The following NAALADL2 variants were observed in gnomAD, a reference collection of about 807,000 sequenced individuals.
NAALADL2 encodes the protein N-acetylated alpha-linked acidic dipeptidase like 2.
Under a neutral mutation model 87.2 loss-of-function variants are expected in NAALADL2, and 76 were observed. The observed-to-expected ratio is 0.87, with a 90% CI of 0.72 to 1.05. The LOEUF (loss-of-function observed/expected upper bound fraction) is 1.05. Among genes scored for constraint, NAALADL2 ranks in the 50% least tolerant of loss-of-function variants. The pLI is 0.00. For synonymous variants in NAALADL2, 354 were observed against 331.0 expected (o/e 1.07, Z -0.75); for missense variants, 1,089 against 945.8 (o/e 1.15, Z -1.99).
At chr3:174,640,111 G>T (rs1723021895) in intron 2 of NAALADL2, among the ~76,000 whole-genome samples, 1 of 152,156 alleles carries the variant, frequency 6.6e-6, no homozygotes, top group Non-Finnish European at 1.5e-5. Flanking sequence ...GGTATATAAT[G>T]ATTTAGCCTA....
chr3:174,838,894 A>C (rs1723683661), intron 3 of NAALADL2, among the ~76,000 whole-genome samples: 1 of 152,188 alleles, frequency 6.6e-6, no homozygotes, highest in Non-Finnish European at 1.5e-5. Context: ...GATGGGTAGA[A>C]TCATTATTGT....
chr3:175,428,638 G>A (rs1717226275), intron 5 of NAALADL2, among the ~76,000 whole-genome samples: 1 of 151,950 alleles, frequency 6.6e-6, no homozygotes, highest in Non-Finnish European at 1.5e-5. Flanking sequence ...TGGCTCCTAA[G>A]TCTCAATTCT....
At chr3:175,674,886 A>C (rs1471755884) in intron 11 of NAALADL2, among the ~76,000 whole-genome samples, 2 of 152,150 alleles carry the variant, frequency 1.3e-5, no homozygotes, top group Admixed American at 6.5e-5. Flanking sequence ...GTACGAAAAA[A>C]CCCAAAGATT....
intron 2 of NAALADL2, among the ~76,000 whole-genome samples, chr3:175,174,920 C>T (rs911023169): frequency 6.6e-6 from 1 of 151,748 alleles, no homozygotes; most frequent in Non-Finnish European, 1.5e-5. Flanking sequence ...TAACTTTTGA[C>T]CATTAATCTT....
At chr3:174,573,072 C>T (rs1463461507) in intron 2 of NAALADL2, among the ~76,000 whole-genome samples, 3 of 152,136 alleles carry the variant, frequency 2.0e-5, no homozygotes, top group Admixed American at 6.5e-5. Context: ...CAGATTACCA[C>T]CGCATCACTA....
intron 1 of NAALADL2, among the ~76,000 whole-genome samples, chr3:174,495,726 A>G (rs1487504818): frequency 2.5e-5 from 2 of 79,374 alleles, no homozygotes; most frequent in East Asian, 6.1e-4. Flanking sequence ...TAAAATTTTT[A>G]GTACTTAATA....
chr3:175,051,072 A>G (rs1204169031), intron 1 of NAALADL2, among the ~76,000 whole-genome samples: 1 of 152,160 alleles, frequency 6.6e-6, no homozygotes, highest in Non-Finnish European at 1.5e-5. Context: ...CAGGGATGTA[A>G]ACTCCTCTTT....
intron 2 of NAALADL2, among the ~76,000 whole-genome samples, chr3:174,697,593 T>C (rs1390348606): frequency 1.3e-5 from 2 of 152,014 alleles, no homozygotes; most frequent in Admixed American, 1.3e-4. Flanking sequence ...AGAAGGGAAA[T>C]TGTAATATTA....
chr3:175,789,748 A>G (rs1286885852), intron 13 of NAALADL2, among the ~76,000 whole-genome samples: 1 of 152,152 alleles, frequency 6.6e-6, no homozygotes, highest in Non-Finnish European at 1.5e-5. Context: ...GTTTCAAGAA[A>G]AAAGGTGGAT....
intron 1 of NAALADL2, among the ~76,000 whole-genome samples, chr3:174,530,161 A>G (rs1721111338): frequency 6.6e-6 from 1 of 152,128 alleles, no homozygotes; most frequent in African/African-American, 2.4e-5. Context: ...CTGCCTAGAA[A>G]TTTCTTCTAC....
At chr3:175,710,403 A>T (rs1740364301) in intron 11 of NAALADL2, among the ~76,000 whole-genome samples, 1 of 152,026 alleles carries the variant, frequency 6.6e-6, no homozygotes, top group Admixed American at 6.6e-5. Context: ...ATTGAACGCA[A>T]AAAAGGCCAG....
At chr3:174,564,561 T>C (rs1242904995) in intron 2 of NAALADL2, among the ~76,000 whole-genome samples, 4 of 152,200 alleles carry the variant, frequency 2.6e-5, no homozygotes, top group Non-Finnish European at 4.4e-5. Flanking sequence ...ACTGTTAATT[T>C]TGTCTAAGTA....
At chr3:175,412,526 G>T (rs888901108) in intron 5 of NAALADL2, among the ~76,000 whole-genome samples, 1 of 152,144 alleles carries the variant, frequency 6.6e-6, no homozygotes, top group Admixed American at 6.5e-5. Context: ...TTATCTCCTA[G>T]ATATTAGTTT....
At chr3:174,662,776 A>G (rs1010725475) in intron 2 of NAALADL2, among the ~76,000 whole-genome samples, 2 of 152,166 alleles carry the variant, frequency 1.3e-5, no homozygotes, top group African/African-American at 4.8e-5. Context: ...TTTACGGCCA[A>G]TGCATATGGC....
At chr3:175,295,626 A>G (rs1756220395) in intron 4 of NAALADL2, among the ~76,000 whole-genome samples, 2 of 151,750 alleles carry the variant, frequency 1.3e-5, no homozygotes, top group African/African-American at 4.8e-5. Context: ...TCATTCACAC[A>G]TGTCTTCTGT....
At chr3:175,202,957 C>T (rs192407562) in intron 2 of NAALADL2, among the ~76,000 whole-genome samples, 118 of 152,174 alleles carry the variant, frequency 7.8e-4, no homozygotes, top group Middle Eastern at 6.8e-3. Flanking sequence ...ACCGGTCTTG[C>T]ACCCACCTTC....
chr3:175,091,095 C>T (rs1720035372), intron 1 of NAALADL2, among the ~76,000 whole-genome samples: 2 of 152,114 alleles, frequency 1.3e-5, no homozygotes, highest in South Asian at 4.1e-4. Flanking sequence ...CTTTCAACAA[C>T]AAAAATTTAT....
intron 1 of NAALADL2, among the ~76,000 whole-genome samples, chr3:174,443,774 C>CAAAACAATGG: frequency 6.9e-6 from 1 of 144,736 alleles, no homozygotes. Flanking sequence ...GAGCTGCATT[C>CAAAACAATGG]CATGTAAAAG....
chr3:174,926,605 A>G lies in NAALADL2; in HGVS notation c.43+67155A>G, dbSNP rs1736077461. Among the ~76,000 whole-genome samples, 3 of 152,236 alleles carry G rather than the reference A, an allele frequency of 2.0e-5. No homozygotes were observed. The South Asian group carries it at 6.2e-4, about 32-fold the overall frequency. ...CCAGAATTTCATATCCAGCCAAACT[A>G]AGCTTCATAAGTGAAGGAGAAATAA... On this transcript the variant is annotated intron_variant, in intron 1 of 13. Coordinates refer to ENST00000454872, the MANE Select transcript of NAALADL2 (RefSeq NM_207015.3).
Sources: gnomAD v4.1 joint callset for allele counts (sites outside exome capture counted in the v4.1 genomes callset) on GRCh38, gnomAD v4.1.1 for gene constraint, MANE v1.5 for transcripts, NCBI Gene and HGNC (gene_info 2026-07-23, HGNC 2026-07-21) for gene names.